Variants in BTF3 observed in about 807,000 individuals in gnomAD.
BTF3 encodes basic transcription factor 3.
A neutral mutation model predicts 23.9 loss-of-function variants in BTF3; 12 were observed. That is an observed-to-expected ratio of 0.50 (90% CI 0.32 to 0.81). The LOEUF (loss-of-function observed/expected upper bound fraction) is 0.81. BTF3 is among the 40% of genes least tolerant of loss of function. The pLI is 0.03. For synonymous variants in BTF3, 96 were observed against 94.8 expected, an observed-to-expected ratio of 1.01 and a Z score of -0.07; for missense variants, 215 against 255.9, an observed-to-expected ratio of 0.84 and a Z score of 1.09.
In BTF3 at chr5:73,502,490, A is replaced by G. The variant is rs1398157635; in HGVS notation, c.204A>G (p.Gly68=). ...TTTCCTCTTCTCCCTGACTTTAGGG[A>G]ACTGCTCGCAGAAAGAAGAAGGTGG... is the stretch of plus-strand genomic sequence containing the variant. ...LQAQVRIGGK[G]TARRKKKVVH... is the part of the protein sequence containing the mutation. The change falls in exon 3 of 6, where the codon GGA becomes GGG. Residue 68 remains glycine (G), a splice_region_variant and synonymous_variant. Transcript: ENST00000380591. 6.3e-7 allele frequency: 1 copy of G among 1,592,346 alleles called. No homozygotes were observed. Among genetic ancestry groups the G allele is most frequent in the Non-Finnish European group, 8.5e-7 (1 of 1,174,472 alleles).
Sources: allele counts gnomAD v4.1 joint callset, GRCh38; gene constraint gnomAD v4.1.1; transcripts MANE v1.5; gene names NCBI Gene and HGNC (gene_info 2026-07-23, HGNC 2026-07-21).